The following SULF2 variants were observed in gnomAD, a reference collection of about 807,000 sequenced individuals.
The protein encoded by SULF2 is sulfatase 2.
Under a neutral mutation model 107.7 loss-of-function variants are expected in SULF2, and 52 were observed. The ratio of observed to expected loss-of-function variants is 0.48; its 90% CI spans 0.39 to 0.61. The LOEUF (loss-of-function observed/expected upper bound fraction) is 0.61. Ranked by LOEUF, SULF2 falls within the 20% of genes least tolerant of loss-of-function variation. SULF2 has a pLI of 0.00. For missense variants in SULF2, 993 were observed against 1,177.3 expected (o/e 0.84, Z 2.29); for synonymous variants, 460 against 464.3 (o/e 0.99, Z 0.12).
upstream of SULF2, chr20:47,786,482 T>A (rs2090933412): frequency 6.6e-6 from 1 of 151,942 alleles, no homozygotes; most frequent in African/African-American, 2.4e-5. Context: ...ACATTTGCCA[T>A]TGGAGAGGCC....
At chr20:47,729,554 TG>T (rs1385557621) in intron 3 of SULF2, among the ~76,000 whole-genome samples, 1 of 152,082 alleles carries the variant, frequency 6.6e-6, no homozygotes, top group African/African-American at 2.4e-5. Flanking sequence ...TGACAGGGTT[TG>T]CTGATGAACT....
chr20:47,759,387 G>A (rs1354600875), intron 1 of SULF2, among the ~76,000 whole-genome samples: 4 of 152,150 alleles, frequency 2.6e-5, no homozygotes, highest in Non-Finnish European at 1.5e-5. Context: ...CTTTGCACCT[G>A]CTCTTTTAAA....
At chr20:47,682,836 G>A (rs2087871965) in intron 7 of SULF2, among the ~76,000 whole-genome samples, 158 bp downstream of exon 7, 1 of 152,172 alleles carries the variant, frequency 6.6e-6, no homozygotes, top group South Asian at 2.1e-4. Context: ...CCCAGCAGAG[G>A]GATATAACAT....
At chr20:47,672,052 C>T (rs1105425) in intron 11 of SULF2, 146 bp downstream of exon 11, 534,284 of 766,646 alleles carry the variant, frequency 0.7, 189,067 homozygotes, top group Admixed American at 0.78. Flanking sequence ...ATGGGTGGCT[C>T]GTGAGGAGAT....
intron 3 of SULF2, among the ~76,000 whole-genome samples, chr20:47,703,472 T>C (rs4402825): frequency 0.86 from 131,364 of 152,210 alleles, 57,151 homozygotes; most frequent in African/African-American, 0.97. Context: ...CTGTCTGCTA[T>C]ACAGCAACCA....
At chr20:47,778,060 G>A (rs1400164721) in intron 1 of SULF2, among the ~76,000 whole-genome samples, 1 of 152,042 alleles carries the variant, frequency 6.6e-6, no homozygotes, top group Non-Finnish European at 1.5e-5. Context: ...AGAATCACTT[G>A]AGCTTGGGAG....
At chr20:47,688,437 A>G (rs2088086384) in intron 5 of SULF2, among the ~76,000 whole-genome samples, 2 of 152,358 alleles carry the variant, frequency 1.3e-5, no homozygotes, top group South Asian at 4.1e-4. Context: ...AGGCAATGCC[A>G]AACAATTTCA....
chr20:47,724,429 CTG>C (rs2089382004), intron 3 of SULF2, among the ~76,000 whole-genome samples: 1 of 152,204 alleles, frequency 6.6e-6, no homozygotes, highest in Admixed American at 6.5e-5. Flanking sequence ...GCCCTGCTGA[CTG>C]GTTGTAGCAG....
At chr20:47,673,977 C>T (rs566170405) in intron 10 of SULF2, among the ~76,000 whole-genome samples, 2 of 152,246 alleles carry the variant, frequency 1.3e-5, no homozygotes, top group Non-Finnish European at 2.9e-5. Context: ...CCGCTCCAAC[C>T]CAACAAACTC....
chr20:47,659,306 G>A lies in SULF2; in HGVS notation c.2582+93C>T, dbSNP rs182556918. The A allele has an allele frequency of 9.3e-4, 1,017 of 1,093,466 alleles. 1 individual carries two copies. The highest frequency in any genetic ancestry group is 1.7e-3 in the Admixed American group (99 of 58,300). 67.7% of individuals were successfully genotyped at this position (1,093,466 alleles called of 1,614,324 possible). On this transcript the variant is annotated intron_variant, in intron 20 of 20. Transcript: ENST00000688720. ...CTCATCATGAGAACAAACAAAGGGT[G>A]GTATGTAAGAAATGGCATGCAAATA...
chr20:47,731,188 T>TCTCTCTC (rs1555848479), intron 3 of SULF2, among the ~76,000 whole-genome samples: 2 of 36,434 alleles, frequency 5.5e-5, no homozygotes, highest in African/African-American at 2.9e-4. Context: ...GTATCTTCTC[T>TCTCTCTC]TTTTTTTTTT....
intron 1 of SULF2, among the ~76,000 whole-genome samples, chr20:47,760,890 G>T (rs904758379): frequency 1.3e-5 from 2 of 152,236 alleles, no homozygotes; most frequent in African/African-American, 4.8e-5. Flanking sequence ...AGCCACTGCG[G>T]CAACTGCCTG....
chr20:47,723,723 C>T (rs2089360617), intron 3 of SULF2, among the ~76,000 whole-genome samples: 1 of 152,228 alleles, frequency 6.6e-6, no homozygotes, highest in Admixed American at 6.5e-5. Context: ...CTGTCACTGT[C>T]TCCCATTGCC....
intron 1 of SULF2, among the ~76,000 whole-genome samples, chr20:47,775,877 C>G (rs1180269957): frequency 6.6e-6 from 1 of 152,174 alleles, no homozygotes; most frequent in Non-Finnish European, 1.5e-5. Flanking sequence ...TACACACTTG[C>G]AATGCACAAT....
chr20:47,722,669 C>A (rs77966824), intron 3 of SULF2, among the ~76,000 whole-genome samples: 1 of 152,038 alleles, frequency 6.6e-6, no homozygotes, highest in African/African-American at 2.4e-5. Context: ...CAGTGGCTCA[C>A]GCCTGTAATC....
At position 47,775,020 on chromosome 20, in the gene SULF2, G is replaced by A. The variant is rs75814426; in HGVS notation, c.-101+10323C>T. 9.5e-3 allele frequency among the ~76,000 whole-genome samples: 1,453 copies of A among 152,256 alleles called. 58 individuals are homozygous for A. Among genetic ancestry groups the A allele is most frequent in the East Asian group, 0.093 (480 of 5,170 alleles). ...TTTCCTGAGCCCCCCAGTAAATCCT[G>A]TTCCAGCTTGAGGTAGTAAGTGTTG... On this transcript the variant is annotated intron_variant, in intron 1 of 20. Transcript: ENST00000688720.
At chr20:47,720,364 TC>T (rs1251169245) in intron 3 of SULF2, among the ~76,000 whole-genome samples, 3 of 152,226 alleles carry the variant, frequency 2.0e-5, no homozygotes, top group South Asian at 2.1e-4. Flanking sequence ...CAAGTGATTC[TC>T]CCACCTTAGC....
intron 3 of SULF2, among the ~76,000 whole-genome samples, chr20:47,721,911 C>T (rs1386634114): frequency 1.3e-5 from 2 of 152,120 alleles, no homozygotes; most frequent in African/African-American, 4.8e-5. Context: ...GTGAAAGAGA[C>T]ATAAGACCCT....
chr20:47,657,893 C>T lies in SULF2; in HGVS notation c.*469G>A, dbSNP rs1294928348. The T allele has an allele frequency of 5.4e-6, 1 of 185,072 alleles. No homozygotes were observed. Among genetic ancestry groups the T allele is most frequent in the Non-Finnish European group, 1.1e-5 (1 of 88,300 alleles). The allele number at this position is 185,072 out of a possible 1,614,324, so 11.5% of individuals were successfully genotyped here. A position where few individuals can be genotyped will look rare whatever the true frequency, so the allele number is the denominator to read the frequency against. ...TCAAACGTCTCTGCACTGTTTTCAG[C>T]CTCTCCACGTTGCCTCTGTCCTGCT... is the stretch of plus-strand genomic sequence containing the variant. On this transcript the variant is annotated 3_prime_UTR_variant, in exon 21 of 21. Coordinates refer to ENST00000688720, the MANE Select transcript of SULF2 (RefSeq NM_001387048.1).
Sources: allele counts gnomAD v4.1 joint callset (sites outside exome capture counted in the v4.1 genomes callset), GRCh38; gene constraint gnomAD v4.1.1; transcripts MANE v1.5; gene names NCBI Gene and HGNC (gene_info 2026-07-23, HGNC 2026-07-21).